Variants in GRPEL2 observed in about 807,000 individuals in gnomAD.
GRPEL2 encodes the protein GrpE like 2, mitochondrial, also known as grpE protein homolog 2, mitochondrial.
In GRPEL2, 18 loss-of-function variants were observed where a neutral mutation model predicts 25.9. The observed-to-expected ratio is 0.70, with a 90% CI of 0.48 to 1.03. The LOEUF is 1.03. GRPEL2 is among the 50% of genes least tolerant of loss of function. The pLI, the probability that GRPEL2 is intolerant of heterozygous loss-of-function variation, is 0.00. For synonymous variants in GRPEL2, 106 were observed against 107.9 expected (o/e 0.98, Z 0.11); for missense variants, 247 against 276.2 (o/e 0.89, Z 0.75).
rs1211937131 is a variant in GRPEL2, at chr5:149,352,420, C to T, written c.*1138C>T. Reference sequence around the variant, plus strand: ...TAGCTAGGACTACAGGCGTTCACCACTGCGCCCGCAAAGTTTTTTTGTTGT... The same window carrying T: ...TAGCTAGGACTACAGGCGTTCACCATTGCGCCCGCAAAGTTTTTTTGTTGT... On this transcript the variant is annotated 3_prime_UTR_variant, in exon 4 of 4. Transcript: ENST00000329271. 4 of 151,516 alleles carry T rather than the reference C, an allele frequency of 2.6e-5. No homozygotes were observed. The highest frequency in any genetic ancestry group is 9.7e-5 in the African/African-American group (4 of 41,330). The allele number at this position is 151,516 out of a possible 1,614,324, so 9.4% of individuals were successfully genotyped here. A position where few individuals can be genotyped will look rare whatever the true frequency, so the allele number is the denominator to read the frequency against.
intron 1 of GRPEL2, among the ~76,000 whole-genome samples, chr5:149,346,823 C>T (rs946145558): frequency 2.0e-5 from 3 of 147,166 alleles, no homozygotes; most frequent in Admixed American, 1.4e-4. Flanking sequence ...CTGCAAGCTC[C>T]GCCTCCCGGG....
At chr5:149,346,649 C>T (rs1033983911) in intron 1 of GRPEL2, among the ~76,000 whole-genome samples, 1 of 150,794 alleles carries the variant, frequency 6.6e-6, no homozygotes, top group Non-Finnish European at 1.5e-5. Flanking sequence ...TGAGATTGGC[C>T]ACAACTCCCC....
chr5:149,346,089 G>A (rs1465750239), intron 1 of GRPEL2, among the ~76,000 whole-genome samples: 1 of 152,192 alleles, frequency 6.6e-6, no homozygotes, highest in Non-Finnish European at 1.5e-5. Context: ...AAGTTCCATC[G>A]GCAGCTTTTA....
rs1247508903 is a variant in GRPEL2 at position 149,352,136 on chromosome 5, C to T, written c.*854C>T. 3.9e-5 allele frequency: 6 copies of T among 152,182 alleles called. No homozygotes were observed. 9.4% of individuals were successfully genotyped at this position (152,182 alleles called of 1,614,324 possible). On this transcript the variant is annotated 3_prime_UTR_variant, in exon 4 of 4. Transcript: ENST00000329271. ...CTCCTCTGCCCTTTTGTCAATTTTACCTTATAATCCTTTATTAAATGATGG... is the reference window on the plus strand; with the variant it reads ...CTCCTCTGCCCTTTTGTCAATTTTATCTTATAATCCTTTATTAAATGATGG...
At chr5:149,347,399 T>A (rs1249909034) in intron 1 of GRPEL2, among the ~76,000 whole-genome samples, 1 of 152,184 alleles carries the variant, frequency 6.6e-6, no homozygotes, top group African/African-American at 2.4e-5. Flanking sequence ...ACTCACAGAT[T>A]GATTTTCAAG....
At position 149,348,337 on chromosome 5, in the gene GRPEL2, AC is replaced by A. The variant is rs773093852; in HGVS notation, c.146del (p.Pro49LeufsTer14). The A allele has an allele frequency of 6.2e-7, 1 of 1,612,884 alleles. No individual in the cohort carries two copies. The highest frequency in any genetic ancestry group is 1.3e-5 in the African/African-American group (1 of 74,800). ...GCTGGTGAGGACTGCCGTTCTGAGG[AC>A]CCTCCTGATGAGCTTGGGCCCCCTC... ...RTAGEDCRSE[D>X]PPDELGPPLA... On this transcript the variant is annotated frameshift_variant, in exon 2 of 4. Transcript: ENST00000329271. LOFTEE classifies it high-confidence loss of function.
chr5:149,346,922 A>G (rs1757699962), intron 1 of GRPEL2, among the ~76,000 whole-genome samples: 1 of 151,674 alleles, frequency 6.6e-6, no homozygotes, highest in Non-Finnish European at 1.5e-5. Flanking sequence ...TATTTTTAGT[A>G]GAGACGGGGT....
rs751066927 is a variant in GRPEL2 at position 149,348,281 on chromosome 5, G to T, written c.87G>T (p.Pro29=). Residue 29 remains proline (P), a synonymous_variant, in exon 2 of 4, where the codon CCG becomes CCT. Coordinates refer to ENST00000329271, the MANE Select transcript of GRPEL2 (RefSeq NM_152407.4). ...CTCCTTCCTGTTTTAGGGGATGGCCGCTTCCATTCAGCACTGCCACCCAGA... is the reference window on the plus strand; with the variant it reads ...CTCCTTCCTGTTTTAGGGGATGGCCTCTTCCATTCAGCACTGCCACCCAGA... ...WSAAWESKGW[P]LPFSTATQRT... The T allele has an allele frequency of 6.3e-7, 1 of 1,592,640 alleles. No individual in the cohort carries two copies.
At chr5:149,350,199 C>T (rs1342770097) in intron 3 of GRPEL2, among the ~76,000 whole-genome samples, 1 of 152,224 alleles carries the variant, frequency 6.6e-6, no homozygotes, top group East Asian at 1.9e-4. Flanking sequence ...TCATAGACCT[C>T]TCTAATGATG....
Position 149,351,574 on chromosome 5 carries a change from A to G in GRPEL2, c.*292A>G, listed in dbSNP as rs1757776386. On this transcript the variant is annotated 3_prime_UTR_variant, in exon 4 of 4. Coordinates refer to ENST00000329271, the MANE Select transcript of GRPEL2 (RefSeq NM_152407.4). ...ATTTGAATCCAAAATCCTTTTAACT[A>G]TGGGTTTTCAACTACATGTTTCTTC... The G allele has an allele frequency of 3.7e-6, 1 of 268,738 alleles. No homozygotes were observed. Among genetic ancestry groups the G allele is most frequent in the Non-Finnish European group, 7.2e-6 (1 of 139,444 alleles). 16.6% of individuals were successfully genotyped at this position (268,738 alleles called of 1,614,324 possible). A position where few individuals can be genotyped will look rare whatever the true frequency, so the allele number is the denominator to read the frequency against.
chr5:149,345,931 C>T, intron 1 of GRPEL2: 1 of 385,108 alleles, frequency 2.6e-6, no homozygotes, highest in South Asian at 3.3e-5. Context: ...CCTGTGGTAC[C>T]TGTGGGTAAA....
chr5:149,353,692 C>T lies in GRPEL2; in HGVS notation c.*2410C>T, dbSNP rs1316315158. 3 of 151,842 alleles carry T rather than the reference C, an allele frequency of 2.0e-5. No homozygotes were observed. Among genetic ancestry groups the T allele is most frequent in the Non-Finnish European group, 4.4e-5 (3 of 67,992 alleles). The allele number at this position is 151,842 out of a possible 1,614,324, so 9.4% of individuals were successfully genotyped here. A position where few individuals can be genotyped will look rare whatever the true frequency, so the allele number is the denominator to read the frequency against. ...TGGTCTATTACACCTCCCGTTTTGG[C>T]AAGTAAATTCAGAATAATTTTAGGT... is the stretch of plus-strand genomic sequence containing the variant. On this transcript the variant is annotated 3_prime_UTR_variant, in exon 4 of 4. Coordinates refer to ENST00000329271, the MANE Select transcript of GRPEL2 (RefSeq NM_152407.4).
rs1042637525 is a variant in GRPEL2, at chr5:149,352,445, T to C, written c.*1163T>C. 1 of 115,948 alleles carries C rather than the reference T, an allele frequency of 8.6e-6. No homozygotes were observed. Among genetic ancestry groups the C allele is most frequent in the Non-Finnish European group, 2.2e-5 (1 of 46,170 alleles). The allele number at this position is 115,948 out of a possible 1,614,324, so 7.2% of individuals were successfully genotyped here. A position where few individuals can be genotyped will look rare whatever the true frequency, so the allele number is the denominator to read the frequency against. On this transcript the variant is annotated 3_prime_UTR_variant, in exon 4 of 4. Coordinates refer to ENST00000329271, the MANE Select transcript of GRPEL2 (RefSeq NM_152407.4). ...CTGCGCCCGCAAAGTTTTTTTGTTG[T>C]TTTTTTTTTTAAGTTGGTACTCACA...
intron 2 of GRPEL2, among the ~76,000 whole-genome samples, chr5:149,348,903 T>C (rs1561694857): frequency 1.3e-5 from 2 of 151,882 alleles, no homozygotes; most frequent in African/African-American, 2.4e-5. Flanking sequence ...GCATTCCTTA[T>C]GACAGCAATT....
intron 1 of GRPEL2, 28 bp from the exon 2 acceptor site, chr5:149,348,244 A>G (rs1293940895): frequency 6.4e-7 from 1 of 1,564,826 alleles, no homozygotes; most frequent in African/African-American, 1.4e-5. Flanking sequence ...GCATTTCTTC[A>G]TTATGTGCCA....
intron 3 of GRPEL2, among the ~76,000 whole-genome samples, chr5:149,350,115 C>T (rs1387064513): frequency 2.6e-5 from 4 of 152,180 alleles, no homozygotes; most frequent in Non-Finnish European, 5.9e-5. Context: ...AGGCCTTAAG[C>T]CTGTCCCTGG....
rs1456105930 is a variant in GRPEL2 at position 149,345,679 on chromosome 5, G to A, written c.77+63G>A. ...TCTGAGGGGCTAGCGAGCCAGCCGG[G>A]GTGGTTGTGGGCTGGAAGGCGAGAG... On this transcript the variant is annotated intron_variant, in intron 1 of 3. Transcript: ENST00000329271. 15 of 1,387,518 alleles carry A rather than the reference G, an allele frequency of 1.1e-5. No homozygotes were observed. In the East Asian group the frequency reaches 3.4e-4, roughly 32 times the overall value. The allele number at this position is 1,387,518 out of a possible 1,614,324, so 86.0% of individuals were successfully genotyped here.
rs546609186 is a variant in GRPEL2 at position 149,349,872 on chromosome 5, C to T, written c.313+137C>T. ...AAGACCAGTCTGGCCAACATGACAC[C>T]TCGTCTCTACTGAAAATACAAACTA... is the stretch of plus-strand genomic sequence containing the variant. On this transcript the variant is annotated intron_variant, in intron 3 of 3. Transcript: ENST00000329271. 7 of 645,164 alleles carry T rather than the reference C, an allele frequency of 1.1e-5. 1 individual carries two copies. In the East Asian group the frequency reaches 1.4e-4, roughly 13 times the overall value. 40.0% of individuals were successfully genotyped at this position (645,164 alleles called of 1,614,324 possible). A position where few individuals can be genotyped will look rare whatever the true frequency, so the allele number is the denominator to read the frequency against.
At position 149,348,062 on chromosome 5, in the gene GRPEL2, A is replaced by C. The variant is rs143321085; in HGVS notation, c.78-210A>C. 453 of 491,922 alleles carry C rather than the reference A, an allele frequency of 9.2e-4. 1 individual carries two copies. Among genetic ancestry groups the C allele is most frequent in the Non-Finnish European group, 1.4e-3 (384 of 278,234 alleles). 30.5% of individuals were successfully genotyped at this position (491,922 alleles called of 1,614,324 possible). A position where few individuals can be genotyped will look rare whatever the true frequency, so the allele number is the denominator to read the frequency against. On this transcript the variant is annotated intron_variant, in intron 1 of 3. Transcript: ENST00000329271. ...TAAAATAGGGATAATGATAGGACTT[A>C]TCTCACATATTGTTGTGAGAGGAAA...
Sources: gnomAD v4.1 joint callset for allele counts (sites outside exome capture counted in the v4.1 genomes callset) on GRCh38, gnomAD v4.1.1 for gene constraint, MANE v1.5 for transcripts, NCBI Gene and HGNC (gene_info 2026-07-23, HGNC 2026-07-21) for gene names.